Variants in FARP2 observed in about 807,000 individuals in gnomAD.
FARP2 encodes the protein FERM, ARHGEF and pleckstrin domain-containing protein 2.
In FARP2, 111 loss-of-function variants were observed where a neutral mutation model predicts 130.5. The ratio of observed to expected loss-of-function variants is 0.85; its 90% CI spans 0.73 to 1.00. The LOEUF is 1.00. FARP2 is among the 50% of genes least tolerant of loss of function. The pLI is 0.00. For missense variants in FARP2, 1,385 were observed against 1,346.3 expected (o/e 1.03, Z -0.45); for synonymous variants, 504 against 516.9 (o/e 0.98, Z 0.34).
rs2064642635 is a variant in FARP2 at position 241,482,582 on chromosome 2, C to T, written c.2263-883C>T. On this transcript the variant is annotated intron_variant, in intron 19 of 26. Coordinates refer to ENST00000264042, the MANE Select transcript of FARP2 (RefSeq NM_014808.4). The surrounding 1 kb of genome is among the most constrained non-coding windows in gnomAD (Gnocchi z 4.6). ...AGTTAACGCAAATGCATCCATATGA[C>T]CACCTTCTTCATTGTGTGGGGTGGA... 6.6e-6 allele frequency among the ~76,000 whole-genome samples: 1 copy of T among 152,162 alleles called. No individual in the cohort carries two copies. Among genetic ancestry groups the T allele is most frequent in the Non-Finnish European group, 1.5e-5 (1 of 68,026 alleles).
At chr2:241,466,579 G>A (rs946186004) in intron 17 of FARP2, 4 of 984,890 alleles carry the variant, frequency 4.1e-6, no homozygotes, top group African/African-American at 1.8e-5. Context: ...GAAGCCTAGC[G>A]AGTGTGGATG....
intron 13 of FARP2, among the ~76,000 whole-genome samples, chr2:241,448,517 A>G (rs1390917366): frequency 2.0e-5 from 3 of 152,252 alleles, no homozygotes; most frequent in Admixed American, 6.5e-5. Flanking sequence ...AAAGATTAAT[A>G]AGTCAGAGCA....
intron 2 of FARP2, among the ~76,000 whole-genome samples, chr2:241,388,303 A>G (rs2061835066): frequency 1.3e-5 from 2 of 152,250 alleles, no homozygotes; most frequent in Admixed American, 1.3e-4. Flanking sequence ...ATATTTTCAA[A>G]AAGAATGTCA....
At chr2:241,416,950 G>A (rs973782281) in intron 7 of FARP2, among the ~76,000 whole-genome samples, 2 of 151,932 alleles carry the variant, frequency 1.3e-5, no homozygotes, top group Non-Finnish European at 2.9e-5. Flanking sequence ...GTGAGTGAGT[G>A]AGAAAACGGG....
chr2:241,484,370 T>G, intron 21 of FARP2, 39 bp downstream of exon 21: 2 of 1,541,146 alleles, frequency 1.3e-6, no homozygotes, highest in Non-Finnish European at 1.8e-6. Flanking sequence ...TTCCACGTGG[T>G]GCTGGGCTGG....
chr2:241,378,015 TA>T (rs577636201), intron 2 of FARP2, among the ~76,000 whole-genome samples: 15 of 152,358 alleles, frequency 9.8e-5, no homozygotes, highest in African/African-American at 2.2e-4. Context: ...TGCCAACACT[TA>T]TTTTTTTCTG....
intron 4 of FARP2, 24 bp downstream of exon 4, chr2:241,404,865 A>G (rs2062290950): frequency 1.3e-6 from 2 of 1,583,164 alleles, no homozygotes. Flanking sequence ...TTGACTCTTT[A>G]AAATCTGTTT....
At chr2:241,487,677 A>AAG (rs1553737855) in intron 21 of FARP2, among the ~76,000 whole-genome samples, 21 of 150,806 alleles carry the variant, frequency 1.4e-4, no homozygotes, top group African/African-American at 5.1e-4. Flanking sequence ...AAAAAAAAAA[A>AAG]AAAGAAAGAA....
At chr2:241,465,570 C>T (rs905258690) in intron 17 of FARP2, 105 of 1,550,448 alleles carry the variant, frequency 6.8e-5, no homozygotes, top group Middle Eastern at 5.0e-4. Context: ...ATAGGAGCAA[C>T]GGTACAGGTG....
chr2:241,431,001 A>C (rs1035163804), intron 8 of FARP2, among the ~76,000 whole-genome samples: 7 of 147,566 alleles, frequency 4.7e-5, no homozygotes, highest in Non-Finnish European at 9.0e-5. Context: ...CTCTGTCTCA[A>C]AAAAAAAAAA....
intron 8 of FARP2, among the ~76,000 whole-genome samples, chr2:241,428,801 C>T (rs886279840): frequency 1.4e-4 from 22 of 152,146 alleles, no homozygotes; most frequent in African/African-American, 5.1e-4. Flanking sequence ...AGTTACTCCG[C>T]CAGCCCCCAG....
At chr2:241,375,617 A>G (rs2061518671) in intron 2 of FARP2, among the ~76,000 whole-genome samples, 1 of 152,240 alleles carries the variant, frequency 6.6e-6, no homozygotes, top group Non-Finnish European at 1.5e-5. Flanking sequence ...CAGTTTTAAT[A>G]AATTGAGATT....
intron 8 of FARP2, among the ~76,000 whole-genome samples, chr2:241,426,610 G>C (rs2062945997): frequency 6.6e-6 from 1 of 152,212 alleles, no homozygotes; most frequent in Non-Finnish European, 1.5e-5. Context: ...GCAGCCAAGA[G>C]AGGTGAAGCT....
Position 241,390,503 on chromosome 2 carries a change from C to G in FARP2, c.184-13325C>G, listed in dbSNP as rs577654839. Among the ~76,000 whole-genome samples, 9 of 152,242 alleles carry G rather than the reference C, an allele frequency of 5.9e-5. No homozygotes were observed. The South Asian group carries it at 1.7e-3, about 28-fold the overall frequency. On this transcript the variant is annotated intron_variant, in intron 2 of 26. Coordinates refer to ENST00000264042, the MANE Select transcript of FARP2 (RefSeq NM_014808.4). ...TGTTTATTTTTCCACACCACTGATT[C>G]CAATTCAAGTCTTGTCCATCTGTTG...
intron 17 of FARP2, among the ~76,000 whole-genome samples, chr2:241,467,812 C>T (rs4436950): frequency 0.065 from 9,930 of 152,224 alleles, 830 homozygotes; most frequent in Admixed American, 0.2. Flanking sequence ...CTGTGTCCCA[C>T]GCAGCCAGCT....
intron 18 of FARP2, among the ~76,000 whole-genome samples, chr2:241,474,804 T>A (rs1390294728): frequency 9.5e-6 from 1 of 104,810 alleles, no homozygotes; most frequent in Non-Finnish European, 2.1e-5. Context: ...ATAATAATAA[T>A]AAATAAATAA....
At chr2:241,492,182 C>CT (rs1207947989) in intron 24 of FARP2, among the ~76,000 whole-genome samples, 1 of 152,170 alleles carries the variant, frequency 6.6e-6, no homozygotes, top group African/African-American at 2.4e-5. Context: ...GAGCTCTTGT[C>CT]TTTTTTGCTG....
At chr2:241,428,878 A>G (rs778009687) in intron 8 of FARP2, among the ~76,000 whole-genome samples, 8 of 152,146 alleles carry the variant, frequency 5.3e-5, no homozygotes, top group Non-Finnish European at 1.0e-4. Context: ...CCTATTTTAG[A>G]TATTTCATAT....
At chr2:241,398,899 A>T (rs77967424) in intron 2 of FARP2, among the ~76,000 whole-genome samples, 1 of 152,170 alleles carries the variant, frequency 6.6e-6, no homozygotes, top group Non-Finnish European at 1.5e-5. Context: ...TTAGGTCTCT[A>T]TAAACAGATA....
Sources: gnomAD v4.1 joint callset for allele counts (sites outside exome capture counted in the v4.1 genomes callset) on GRCh38, gnomAD v4.1.1 for gene constraint, Gnocchi (gnomAD v3.1) non-coding constraint, MANE v1.5 for transcripts, NCBI Gene and HGNC (gene_info 2026-07-23, HGNC 2026-07-21) for gene names.